Variants in TMC3 observed in about 807,000 individuals in gnomAD.
The protein encoded by TMC3 is transmembrane channel-like protein 3.
In TMC3, 98 loss-of-function variants were observed where a neutral mutation model predicts 110.6. The observed-to-expected ratio is 0.89, with a 90% CI of 0.75 to 1.05. TMC3 has a LOEUF of 1.05. Among genes scored for constraint, TMC3 ranks in the 50% least tolerant of loss-of-function variants. The pLI, the probability that TMC3 is intolerant of heterozygous loss-of-function variation, is 0.00. For synonymous variants in TMC3, 489 were observed against 513.1 expected (o/e 0.95, Z 0.63); for missense variants, 1,319 against 1,373.2 (o/e 0.96, Z 0.62).
Position 81,362,262 on chromosome 15 carries a change from C to T in TMC3, c.352G>A (p.Val118Ile). 1 of 1,612,742 alleles carries T rather than the reference C, an allele frequency of 6.2e-7. No individual in the cohort carries two copies. The stretch of plus-strand genomic sequence containing the variant: ...CTCATTTCCCAGGGAATGAAGATGA[C>T]CACAAAGTTACAGGCGAGACGAGCA... Reference protein sequence around the residue: ...KFARLACNFVVIFIPWEMRIK... With the variant: ...KFARLACNFVIIFIPWEMRIK... The change falls in exon 4 of 22, where the codon GTC becomes ATC. Residue 118 changes from valine (V) to isoleucine (I), a missense_variant. Val to Ile is a conservative substitution (Grantham distance 29, BLOSUM62 3). Coordinates refer to ENST00000359440, the MANE Select transcript of TMC3 (RefSeq NM_001080532.3).
chr15:81,361,997 G>A (rs566685698), intron 4 of TMC3: 14 of 406,694 alleles, frequency 3.4e-5, no homozygotes, highest in Admixed American at 1.1e-4. Flanking sequence ...GAGCCGCAGC[G>A]GAATGTGGAA....
Position 81,332,193 on chromosome 15 carries a change from T to C in TMC3, c.*226A>G. The stretch of plus-strand genomic sequence containing the variant: ...CAGACCCGTGATGATTCACTGCTGG[T>C]GACATACTTTGGTGCCACCTAACTC... On this transcript the variant is annotated 3_prime_UTR_variant, in exon 22 of 22. Transcript: ENST00000359440. The C allele has an allele frequency of 1.9e-6, 1 of 528,742 alleles. No individual in the cohort carries two copies. The highest frequency in any genetic ancestry group is 1.9e-5 in the African/African-American group (1 of 52,466). The allele number at this position is 528,742 out of a possible 1,614,324, so 32.8% of individuals were successfully genotyped here.
chr15:81,335,283 A>C (rs966046777), intron 20 of TMC3, among the ~76,000 whole-genome samples: 22 of 152,210 alleles, frequency 1.4e-4, no homozygotes, highest in Admixed American at 1.4e-3. Context: ...TTATCTATTC[A>C]ATGGAGATAA....
intron 11 of TMC3, among the ~76,000 whole-genome samples, chr15:81,348,396 C>G (rs578206336): frequency 5.3e-5 from 8 of 152,334 alleles, no homozygotes; most frequent in African/African-American, 1.7e-4. Context: ...CCTCACCCAG[C>G]CCTACTACAG....
chr15:81,342,454 A>G (rs553975465), intron 15 of TMC3, among the ~76,000 whole-genome samples: 37 of 152,368 alleles, frequency 2.4e-4, no homozygotes, highest in African/African-American at 7.0e-4. Flanking sequence ...TATAAGGATT[A>G]AATCAGTTAC....
Position 81,358,302 on chromosome 15 carries a change from AAC to A in TMC3, c.601-13_601-12del, listed in dbSNP as rs769061754. 41 of 1,601,724 alleles carry A rather than the reference AAC, an allele frequency of 2.6e-5. No individual in the cohort carries two copies. Among genetic ancestry groups the A allele is most frequent in the Non-Finnish European group, 3.5e-5 (41 of 1,173,282 alleles). On this transcript the variant is annotated splice_polypyrimidine_tract_variant and intron_variant, in intron 6 of 21. Coordinates refer to ENST00000359440, the MANE Select transcript of TMC3 (RefSeq NM_001080532.3). ...GTACTGGAGGTAGCCCTGCAAAGAA[AAC>A]ACTCAGTGTCATTTCTGCTTCCCGT...
rs893665301 is a variant in TMC3, at chr15:81,345,101, C to G, written c.1273-90G>C. ...TGTAAATGAGAATCCATCATGGACC[C>G]CAAGGGTGTCATTGCATTGCTTGGG... is the stretch of plus-strand genomic sequence containing the variant. On this transcript the variant is annotated intron_variant, in intron 12 of 21. Transcript: ENST00000359440. 1.1e-5 allele frequency: 17 copies of G among 1,493,798 alleles called. No homozygotes were observed. In the African/African-American group the frequency reaches 2.2e-4, roughly 20 times the overall value. 92.5% of individuals were successfully genotyped at this position (1,493,798 alleles called of 1,614,324 possible).
At chr15:81,350,372 G>A (rs1020231356) in intron 10 of TMC3, among the ~76,000 whole-genome samples, 1 of 152,218 alleles carries the variant, frequency 6.6e-6, no homozygotes, top group Admixed American at 6.5e-5. Flanking sequence ...AGCCTGAGAG[G>A]TAATGTAATA....
chr15:81,347,231 T>C (rs1007076137), intron 11 of TMC3, among the ~76,000 whole-genome samples: 3 of 152,162 alleles, frequency 2.0e-5, no homozygotes, highest in Non-Finnish European at 2.9e-5. Flanking sequence ...CACTTAGCCC[T>C]TGGAGAAAAA....
At position 81,337,937 on chromosome 15, in the gene TMC3, AAC is replaced by A. The variant is rs979178123; in HGVS notation, c.2082-15_2082-14del. 3.2e-5 allele frequency: 51 copies of A among 1,607,628 alleles called. No individual in the cohort carries two copies. The highest frequency in any genetic ancestry group is 1.6e-4 in the Middle Eastern group (1 of 6,066). Reference sequence around the variant, plus strand: ...ATAGATGAGCATGCTAGGACAGAACAACACAGGACAATGAGTGGACTGCAACT... The same window carrying A: ...ATAGATGAGCATGCTAGGACAGAACAACAGGACAATGAGTGGACTGCAACT... On this transcript the variant is annotated splice_polypyrimidine_tract_variant and intron_variant, in intron 18 of 21. Transcript: ENST00000359440.
chr15:81,345,459 G>A (rs1257809352), intron 12 of TMC3, among the ~76,000 whole-genome samples: 2 of 152,138 alleles, frequency 1.3e-5, no homozygotes, highest in Non-Finnish European at 2.9e-5. Context: ...CTGCCTATAG[G>A]CCTTGAAATT....
At chr15:81,353,947 T>A (rs1894004967) in intron 9 of TMC3, among the ~76,000 whole-genome samples, 1 of 152,246 alleles carries the variant, frequency 6.6e-6, no homozygotes, top group Non-Finnish European at 1.5e-5. Context: ...GAGCAACTAA[T>A]TGCCCATGAG....
In TMC3 at chr15:81,332,181, A is replaced by C. The variant is rs1384338824; in HGVS notation, c.*238T>G. On this transcript the variant is annotated 3_prime_UTR_variant, in exon 22 of 22. Transcript: ENST00000359440. ...TTGAGATTGCTGCAGACCCGTGATG[A>C]TTCACTGCTGGTGACATACTTTGGT... The C allele has an allele frequency of 1.0e-5, 5 of 490,066 alleles. No homozygotes were observed. Among genetic ancestry groups the C allele is most frequent in the Non-Finnish European group, 1.1e-5 (3 of 281,118 alleles). The allele number at this position is 490,066 out of a possible 1,614,324, so 30.4% of individuals were successfully genotyped here. A position where few individuals can be genotyped will look rare whatever the true frequency, so the allele number is the denominator to read the frequency against.
rs930300364 is a variant in TMC3, at chr15:81,331,621, T to G, written c.*798A>C. The G allele has an allele frequency of 1.3e-5, 2 of 152,138 alleles. No individual in the cohort carries two copies. Among genetic ancestry groups the G allele is most frequent in the African/African-American group, 4.8e-5 (2 of 41,426 alleles). 9.4% of individuals were successfully genotyped at this position (152,138 alleles called of 1,614,324 possible). A position where few individuals can be genotyped will look rare whatever the true frequency, so the allele number is the denominator to read the frequency against. On this transcript the variant is annotated 3_prime_UTR_variant, in exon 22 of 22. Coordinates refer to ENST00000359440, the MANE Select transcript of TMC3 (RefSeq NM_001080532.3). ...TGGTCAGGTGGCTGCTGATTGTCTC[T>G]CTAAAATAATAATTGGTCACAGCTG...
Position 81,332,310 on chromosome 15 carries a change from A to T in TMC3, c.*109T>A. The T allele has an allele frequency of 7.1e-7, 1 of 1,417,584 alleles. No homozygotes were observed. The highest frequency in any genetic ancestry group is 9.3e-7 in the Non-Finnish European group (1 of 1,072,702). 87.8% of individuals were successfully genotyped at this position (1,417,584 alleles called of 1,614,324 possible). A position where few individuals can be genotyped will look rare whatever the true frequency, so the allele number is the denominator to read the frequency against. On this transcript the variant is annotated 3_prime_UTR_variant, in exon 22 of 22. Transcript: ENST00000359440. ...CTAGCAGCCGCTGACCATGCCCCTC[A>T]GGTCTCTAACACACTTGTTCACCTC...
At chr15:81,373,513 G>T (rs1017887282) in intron 1 of TMC3, among the ~76,000 whole-genome samples, 1 of 152,148 alleles carries the variant, frequency 6.6e-6, no homozygotes, top group East Asian at 1.9e-4. Context: ...ATTTAGAGGA[G>T]AATTTTTTTC....
chr15:81,372,870 C>CGTGTGAGT, intron 1 of TMC3, 133 bp from the exon 2 acceptor site: 1 of 554,750 alleles, frequency 1.8e-6, no homozygotes, highest in Non-Finnish European at 3.2e-6. Context: ...TGTGTTTGTG[C>CGTGTGAGT]GTGTGTGTGT....
At chr15:81,350,117 C>T (rs1052658306) in intron 10 of TMC3, among the ~76,000 whole-genome samples, 5 of 151,662 alleles carry the variant, frequency 3.3e-5, no homozygotes, top group Admixed American at 6.6e-5. Context: ...TGCCTATGGT[C>T]CCAGCTTGTT....
intron 2 of TMC3, among the ~76,000 whole-genome samples, chr15:81,370,834 C>T (rs1894418221): frequency 6.6e-6 from 1 of 151,918 alleles, no homozygotes; most frequent in Non-Finnish European, 1.5e-5. Context: ...GCCACCATGC[C>T]CAACTAATTT....
Sources: allele counts gnomAD v4.1 joint callset (sites outside exome capture counted in the v4.1 genomes callset), GRCh38; gene constraint gnomAD v4.1.1; transcripts MANE v1.5; gene names NCBI Gene and HGNC (gene_info 2026-07-23, HGNC 2026-07-21).